MYOZ2: variants seen among roughly 807,000 people sequenced by gnomAD.
MYOZ2 encodes the protein myozenin 2, also known as myozenin-2.
Under a neutral mutation model 25.4 loss-of-function variants are expected in MYOZ2, and 19 were observed. That is an observed-to-expected ratio of 0.75 (90% CI 0.52 to 1.10). The LOEUF is 1.10. Among genes scored for constraint, MYOZ2 ranks in the 50% least tolerant of loss-of-function variants. MYOZ2 has a pLI of 0.00. For missense variants in MYOZ2, 270 were observed against 317.9 expected (o/e 0.85, Z 1.15); for synonymous variants, 92 against 106.9 (o/e 0.86, Z 0.86).
intron 5 of MYOZ2, among the ~76,000 whole-genome samples, 165 bp downstream of exon 5, chr4:119,164,559 G>T (rs1158585946): frequency 6.6e-6 from 1 of 151,976 alleles, no homozygotes; most frequent in Non-Finnish European, 1.5e-5. Flanking sequence ...ACTCATTTTT[G>T]TAATATTACT....
At chr4:119,174,863 A>C (rs1398691861) in intron 5 of MYOZ2, among the ~76,000 whole-genome samples, 1 of 152,078 alleles carries the variant, frequency 6.6e-6, no homozygotes, top group Non-Finnish European at 1.5e-5. Flanking sequence ...CACCGCAAAG[A>C]TCTGCAGCTT....
chr4:119,162,717 T>A (rs1488363019), intron 4 of MYOZ2, among the ~76,000 whole-genome samples: 2 of 152,176 alleles, frequency 1.3e-5, no homozygotes, highest in Admixed American at 1.3e-4. Flanking sequence ...CAAACAATAA[T>A]ATGAGAGCCA....
chr4:119,145,330 C>T (rs1229211276), intron 2 of MYOZ2, among the ~76,000 whole-genome samples: 14 of 132,704 alleles, frequency 1.1e-4, no homozygotes, highest in Admixed American at 2.5e-4. Context: ...TTTCTGTGTG[C>T]GTGTGTGGTT....
intron 2 of MYOZ2, among the ~76,000 whole-genome samples, chr4:119,141,627 C>A (rs1401497207): frequency 6.6e-6 from 1 of 152,226 alleles, no homozygotes; most frequent in Non-Finnish European, 1.5e-5. Context: ...GGTGATCCAC[C>A]TGCCTCAGCC....
At chr4:119,147,743 C>CAGAAAA (rs1741335730) in intron 2 of MYOZ2, among the ~76,000 whole-genome samples, 1 of 119,666 alleles carries the variant, frequency 8.4e-6, no homozygotes, top group Admixed American at 8.7e-5. Flanking sequence ...GACTCTGTCT[C>CAGAAAA]AAAAAAAAAA....
Position 119,151,016 on chromosome 4 carries a change from A to G in MYOZ2, c.221A>G (p.Gln74Arg), listed in dbSNP as rs531506148. ...RSDKYTFENF[Q>R]YQSRAQINHS... ...GACAAATACACATTTGAAAATTTCC[A>G]GTATCAATCTAGAGCACAAATAAAT... The change falls in exon 3 of 6, where the codon CAG becomes CGG. Residue 74 changes from glutamine (Q) to arginine (R), a missense_variant. Transcript: ENST00000307128. The G allele has an allele frequency of 4.3e-6, 7 of 1,613,134 alleles. No individual in the cohort carries two copies. The East Asian group carries it at 1.3e-4, about 31-fold the overall frequency.
At chr4:119,157,282 C>T (rs1276018027) in intron 3 of MYOZ2, among the ~76,000 whole-genome samples, 2 of 152,028 alleles carry the variant, frequency 1.3e-5, no homozygotes, top group Non-Finnish European at 2.9e-5. Flanking sequence ...TAAAACTTGG[C>T]TATACTTTTG....
At chr4:119,155,657 T>C (rs1741556823) in intron 3 of MYOZ2, among the ~76,000 whole-genome samples, 1 of 152,072 alleles carries the variant, frequency 6.6e-6, no homozygotes, top group African/African-American at 2.4e-5. Context: ...GTAATGTTTA[T>C]GAGGTGAGTA....
At chr4:119,139,312 T>C (rs912380441) in intron 2 of MYOZ2, among the ~76,000 whole-genome samples, 10 of 152,228 alleles carry the variant, frequency 6.6e-5, no homozygotes, top group African/African-American at 2.4e-4. Flanking sequence ...GACAAACCTC[T>C]GTGCTTTATA....
At chr4:119,146,133 T>C (rs1246225917) in intron 2 of MYOZ2, among the ~76,000 whole-genome samples, 1 of 152,192 alleles carries the variant, frequency 6.6e-6, no homozygotes, top group Admixed American at 6.5e-5. Context: ...ATGTTAATCT[T>C]ACTAGAGATT....
rs1742316933 is a variant in MYOZ2, at chr4:119,187,366, A to C, written c.*1166A>C. The C allele has an allele frequency of 6.6e-6, 1 of 152,154 alleles. No homozygotes were observed. Among genetic ancestry groups the C allele is most frequent in the African/African-American group, 2.4e-5 (1 of 41,454 alleles). The allele number at this position is 152,154 out of a possible 1,614,324, so 9.4% of individuals were successfully genotyped here. A position where few individuals can be genotyped will look rare whatever the true frequency, so the allele number is the denominator to read the frequency against. ...ATAGCAGAGAAGAAATGTCTCATCA[A>C]TAGAAAACTATCAGATAAAGTTTAG... is the stretch of plus-strand genomic sequence containing the variant. On this transcript the variant is annotated 3_prime_UTR_variant, in exon 6 of 6. Coordinates refer to ENST00000307128, the MANE Select transcript of MYOZ2 (RefSeq NM_016599.5).
At chr4:119,147,461 C>T (rs541808932) in intron 2 of MYOZ2, among the ~76,000 whole-genome samples, 27 of 152,138 alleles carry the variant, frequency 1.8e-4, no homozygotes, top group African/African-American at 6.5e-4. Flanking sequence ...CTACTTTTGG[C>T]CAGGCACGGT....
chr4:119,177,297 T>C (rs1742094254), intron 5 of MYOZ2, among the ~76,000 whole-genome samples: 1 of 152,116 alleles, frequency 6.6e-6, no homozygotes, highest in Non-Finnish European at 1.5e-5. Context: ...ATCCATCTAC[T>C]TTGCACTCAT....
chr4:119,136,454 A>C, intron 1 of MYOZ2, 58 bp from the exon 2 acceptor site: 2 of 1,414,854 alleles, frequency 1.4e-6, no homozygotes, highest in Non-Finnish European at 2.0e-6. Flanking sequence ...CAGTGATTAT[A>C]AGACACTCCA....
chr4:119,177,636 A>G (rs148080079), intron 5 of MYOZ2, among the ~76,000 whole-genome samples: 26 of 152,272 alleles, frequency 1.7e-4, no homozygotes, highest in African/African-American at 6.0e-4. Context: ...CCTTCTCATT[A>G]TCAAATTTGC....
At chr4:119,173,770 G>T (rs902915800) in intron 5 of MYOZ2, among the ~76,000 whole-genome samples, 1 of 152,202 alleles carries the variant, frequency 6.6e-6, no homozygotes, top group Non-Finnish European at 1.5e-5. Flanking sequence ...ACCTCAGCTT[G>T]CAGGGAGCTG....
At chr4:119,148,780 A>AAC (rs568304494) in intron 2 of MYOZ2, among the ~76,000 whole-genome samples, 29,886 of 142,690 alleles carry the variant, frequency 0.21, 4,147 homozygotes, top group South Asian at 0.34. Context: ...AAAAAAAAAA[A>AAC]AAACCTTTCC....
intron 2 of MYOZ2, among the ~76,000 whole-genome samples, chr4:119,144,347 AATAGTTTACCC>A (rs1741238606): frequency 6.6e-6 from 1 of 152,074 alleles, no homozygotes; most frequent in Admixed American, 6.6e-5. Flanking sequence ...CAGTGTTTTT[AATAGTTTACCC>A]ATTGAAGTAC....
chr4:119,157,546 G>T (rs1036592791), intron 3 of MYOZ2, among the ~76,000 whole-genome samples: 4 of 151,898 alleles, frequency 2.6e-5, no homozygotes, highest in Admixed American at 2.6e-4. Flanking sequence ...TGAAATTTCA[G>T]GTTAGATTTT....
Sources: allele counts gnomAD v4.1 joint callset (sites outside exome capture counted in the v4.1 genomes callset), GRCh38; gene constraint gnomAD v4.1.1; transcripts MANE v1.5; gene names NCBI Gene and HGNC (gene_info 2026-07-23, HGNC 2026-07-21).